Variants in ABHD18 observed in about 807,000 individuals in gnomAD.
ABHD18 encodes abhydrolase domain containing 18, also known as cardiolipin-specific deacylase, mitochondrial.
ABHD18 carries 55 observed loss-of-function variants against 65.9 expected under a neutral mutation model. That is an observed-to-expected ratio of 0.84 (90% CI 0.67 to 1.05). The LOEUF is 1.05. ABHD18 is among the 50% of genes least tolerant of loss of function. The probability of loss-of-function intolerance (pLI) is 0.00; values close to 1 mark genes in which losing one functional copy is unlikely to be tolerated. For missense variants in ABHD18, 533 were observed against 558.5 expected (o/e 0.95, Z 0.46); for synonymous variants, 181 against 180.2 (o/e 1.00, Z -0.04).
At position 128,028,640 on chromosome 4, in the gene ABHD18, A is replaced by G. The variant is rs199644075; in HGVS notation, c.967A>G (p.Ser323Gly). ...DCHNSSKTSV[S>G]ATSEGLLLQD... ...CCATAATTCTAGCAAAACATCTGTC[A>G]GTGCGACATCAGAAGGACTCTTATT... The change falls in exon 11 of 13, where the codon AGT becomes GGT. Residue 323 changes from serine (S) to glycine (G), a missense_variant. Coordinates refer to ENST00000645843, the MANE Select transcript of ABHD18 (RefSeq NM_001358451.3). The G allele has an allele frequency of 9.2e-5, 148 of 1,613,824 alleles. No homozygotes were observed. The highest frequency in any genetic ancestry group is 1.0e-4 in the Non-Finnish European group (119 of 1,179,876).
At chr4:128,001,111 A>G (rs1460010636) in intron 4 of ABHD18, among the ~76,000 whole-genome samples, 1 of 152,038 alleles carries the variant, frequency 6.6e-6, no homozygotes. Flanking sequence ...CTCTGTTTCT[A>G]TTTGGATGCC....
chr4:128,021,116 T>C, intron 9 of ABHD18, 21 bp from the exon 10 acceptor site: 1 of 1,459,174 alleles, frequency 6.9e-7, no homozygotes, highest in Non-Finnish European at 9.4e-7. Context: ...GGTTTGATCT[T>C]AATTTAGCTT....
At chr4:127,988,263 C>G (rs879785067) in intron 3 of ABHD18, among the ~76,000 whole-genome samples, 14 of 152,166 alleles carry the variant, frequency 9.2e-5, no homozygotes, top group Non-Finnish European at 1.8e-4. Context: ...CAGAGTCTCA[C>G]TCTGTCACCC....
intron 10 of ABHD18, among the ~76,000 whole-genome samples, chr4:128,022,680 G>T (rs1037606552): frequency 6.6e-6 from 1 of 151,512 alleles, no homozygotes; most frequent in African/African-American, 2.4e-5. Context: ...GGCAGTTATG[G>T]TAAATGCTTG....
At chr4:127,972,239 T>G (rs73847082) in intron 1 of ABHD18, among the ~76,000 whole-genome samples, 2,991 of 152,226 alleles carry the variant, frequency 0.02, 89 homozygotes, top group African/African-American at 0.067. Context: ...ACTAGAAAGC[T>G]CCACCAAGGT....
At chr4:127,970,671 G>A (rs1269767396) in intron 1 of ABHD18, among the ~76,000 whole-genome samples, 1 of 151,934 alleles carries the variant, frequency 6.6e-6, no homozygotes, top group Non-Finnish European at 1.5e-5. Context: ...TCTGGGTGCA[G>A]TTGCTCATGC....
In ABHD18 at chr4:128,020,975, A is replaced by G. The variant is rs1756399498; in HGVS notation, c.700-162A>G. Among the ~76,000 whole-genome samples, 3 of 151,636 alleles carry G rather than the reference A, an allele frequency of 2.0e-5. No individual in the cohort carries two copies. The South Asian group carries it at 6.3e-4, about 32-fold the overall frequency. On this transcript the variant is annotated intron_variant, in intron 9 of 12. Coordinates refer to ENST00000645843, the MANE Select transcript of ABHD18 (RefSeq NM_001358451.3). ...CTTGAACCCAGAAGGTGGAGGTTGC[A>G]GTGAGCCGAGATAGTGCCATTGCAC...
At chr4:128,015,404 A>G (rs1170087593) in intron 7 of ABHD18, among the ~76,000 whole-genome samples, 5 of 152,210 alleles carry the variant, frequency 3.3e-5, no homozygotes, top group African/African-American at 1.2e-4. Context: ...CCAGAATTTC[A>G]TATCAGTAAC....
chr4:127,977,907 A>G (rs1579151341), intron 1 of ABHD18, among the ~76,000 whole-genome samples: 1 of 152,166 alleles, frequency 6.6e-6, no homozygotes, highest in East Asian at 1.9e-4. Context: ...AAAGGATAGC[A>G]TAAACATTAA....
intron 10 of ABHD18, among the ~76,000 whole-genome samples, chr4:128,024,567 CTG>C (rs1222468606): frequency 6.6e-6 from 1 of 152,212 alleles, no homozygotes; most frequent in Non-Finnish European, 1.5e-5. Context: ...ATGTCCCACT[CTG>C]AGTAATTCGG....
chr4:128,031,711 T>TA (rs1191050219), intron 12 of ABHD18, among the ~76,000 whole-genome samples: 1 of 152,214 alleles, frequency 6.6e-6, no homozygotes, highest in African/African-American at 2.4e-5. Flanking sequence ...TCTATGTTGT[T>TA]ACTTATCTAG....
At chr4:127,982,500 A>G (rs1004401911) in intron 1 of ABHD18, among the ~76,000 whole-genome samples, 4 of 152,110 alleles carry the variant, frequency 2.6e-5, no homozygotes, top group African/African-American at 9.6e-5. Flanking sequence ...GGTAAATTAT[A>G]CTCTCTATGC....
chr4:128,020,030 T>A, intron 8 of ABHD18, 50 bp from the exon 9 acceptor site: 1 of 1,219,932 alleles, frequency 8.2e-7, no homozygotes, highest in Non-Finnish European at 1.2e-6. Context: ...ATATTTTTAT[T>A]TTAATGAATA....
At position 127,994,186 on chromosome 4, in the gene ABHD18, A is replaced by G. The variant is rs551369184; in HGVS notation, c.278+4365A>G. ...GGTGACAGGTTTTATAGACCACAAA[A>G]TATGGATTTCCCTATGTAATGTAAA... On this transcript the variant is annotated intron_variant, in intron 4 of 12. Coordinates refer to ENST00000645843, the MANE Select transcript of ABHD18 (RefSeq NM_001358451.3). 2.6e-5 allele frequency among the ~76,000 whole-genome samples: 4 copies of G among 152,336 alleles called. No homozygotes were observed. In the South Asian group the frequency reaches 8.3e-4, roughly 32 times the overall value.
rs549731188 is a variant in ABHD18, at chr4:128,016,868, G to A, written c.471-495G>A. ...GAACAGGAACACTTTTTTTTGTTAA[G>A]TTTTAGGTGATTTGATATGTAATCC... On this transcript the variant is annotated intron_variant, in intron 7 of 12. Coordinates refer to ENST00000645843, the MANE Select transcript of ABHD18 (RefSeq NM_001358451.3). Among the ~76,000 whole-genome samples, 7 of 152,156 alleles carry A rather than the reference G, an allele frequency of 4.6e-5. No homozygotes were observed. In the South Asian group the frequency reaches 8.3e-4, roughly 18 times the overall value.
chr4:128,011,841 G>T, intron 7 of ABHD18, 141 bp downstream of exon 7: 1 of 490,004 alleles, frequency 2.0e-6, no homozygotes, highest in Non-Finnish European at 3.5e-6. Flanking sequence ...TGAAACTGTA[G>T]TATGAATACT....
rs560125200 is a variant in ABHD18 at position 127,987,626 on chromosome 4, T to C, written c.178-2095T>C. On this transcript the variant is annotated intron_variant, in intron 3 of 12. Transcript: ENST00000645843. ...ACTCAGGAGGCTGAAGCAGGAGAATTGCTTGAATCTGGGAGGCAGAGGTTG... is the reference window on the plus strand; with the variant it reads ...ACTCAGGAGGCTGAAGCAGGAGAATCGCTTGAATCTGGGAGGCAGAGGTTG... 5.5e-3 allele frequency among the ~76,000 whole-genome samples: 837 copies of C among 151,610 alleles called. 3 individuals carry two copies. Among genetic ancestry groups the C allele is most frequent in the Admixed American group, 7.4e-3 (112 of 15,210 alleles).
At chr4:128,017,241 T>A in intron 7 of ABHD18, 122 bp from the exon 8 acceptor site, 1 of 921,374 alleles carries the variant, frequency 1.1e-6, no homozygotes, top group South Asian at 1.7e-5. Flanking sequence ...ATTACATTGT[T>A]TTACTTAACT....
rs1315909410 is a variant in ABHD18 at position 128,039,332 on chromosome 4, T to C, written c.*3519T>C. 2 of 151,910 alleles carry C rather than the reference T, an allele frequency of 1.3e-5. No individual in the cohort carries two copies. The highest frequency in any genetic ancestry group is 6.6e-5 in the Admixed American group (1 of 15,216). 9.4% of individuals were successfully genotyped at this position (151,910 alleles called of 1,614,324 possible). ...CCACAGTTATTTTATTAGATGTACA[T>C]AATGTTTCAAAAATGTTTGAATTTG... On this transcript the variant is annotated 3_prime_UTR_variant, in exon 13 of 13. Coordinates refer to ENST00000645843, the MANE Select transcript of ABHD18 (RefSeq NM_001358451.3).
Sources: gnomAD v4.1 joint callset for allele counts (sites outside exome capture counted in the v4.1 genomes callset) on GRCh38, gnomAD v4.1.1 for gene constraint, MANE v1.5 for transcripts, NCBI Gene and HGNC (gene_info 2026-07-23, HGNC 2026-07-21) for gene names.